UBE2U: variants seen among roughly 807,000 people sequenced by gnomAD.
UBE2U encodes the protein ubiquitin-conjugating enzyme E2 U.
A neutral mutation model predicts 41.2 loss-of-function variants in UBE2U; 39 were observed. The observed-to-expected ratio is 0.95, with a 90% confidence interval of 0.73 to 1.24. UBE2U has a LOEUF of 1.24. Among genes scored for constraint, UBE2U ranks in the 50% most tolerant of loss-of-function variants. UBE2U has a pLI of 0.00. For missense variants in UBE2U, 336 were observed against 363.1 expected (o/e 0.93, Z 0.61); for synonymous variants, 107 against 117.8 (o/e 0.91, Z 0.60).
intron 7 of UBE2U, among the ~76,000 whole-genome samples, chr1:64,236,210 C>A (rs142562552): frequency 6.6e-6 from 1 of 152,252 alleles, no homozygotes; most frequent in East Asian, 1.9e-4. Flanking sequence ...ATAGTGAGTT[C>A]TCAATAAGTG....
Position 64,206,792 on chromosome 1 carries a change from T to C in UBE2U, c.177T>C (p.Phe59=), listed in dbSNP as rs1651323766. The C allele has an allele frequency of 6.2e-7, 1 of 1,603,320 alleles. No individual in the cohort carries two copies. Among genetic ancestry groups the C allele is most frequent in the Non-Finnish European group, 8.5e-7 (1 of 1,173,084 alleles). The change falls in exon 3 of 10, where the codon TTT becomes TTC. Residue 59 remains phenylalanine, a synonymous_variant. Transcript: ENST00000371077. The stretch of plus-strand genomic sequence containing the variant: ...TAGTCTTCCAACTGACAATACATTT[T>C]ACATCGGAGTACAACTATGCTCCTC... The part of the protein sequence containing the change: ...QGLVFQLTIH[F]TSEYNYAPPV...
At chr1:64,214,714 C>A in intron 4 of UBE2U, 101 bp from the exon 5 acceptor site, 1 of 803,414 alleles carries the variant, frequency 1.2e-6, no homozygotes, top group Non-Finnish European at 2.1e-6. Flanking sequence ...ACATAGTAAG[C>A]ATTTAATACA....
At chr1:64,204,425 A>G (rs2100227222) in intron 1 of UBE2U, among the ~76,000 whole-genome samples, 1 of 152,320 alleles carries the variant, frequency 6.6e-6, no homozygotes, top group Non-Finnish European at 1.5e-5. Flanking sequence ...CTCATTAATT[A>G]TAATACTATA....
At chr1:64,206,021 A>G (rs1651275700) in intron 2 of UBE2U, among the ~76,000 whole-genome samples, 2 of 152,186 alleles carry the variant, frequency 1.3e-5, no homozygotes, top group Admixed American at 6.6e-5. Flanking sequence ...TTGAGAGAAT[A>G]TCGTCTGCCT....
rs75628164 is a variant in UBE2U at position 64,258,172 on chromosome 1, T to C, written c.678-2431T>C. Among the ~76,000 whole-genome samples the C allele has an allele frequency of 6.7e-3, 1,025 of 152,326 alleles. 14 individuals carry two copies. The highest frequency in any genetic ancestry group is 0.024 in the African/African-American group (999 of 41,582). ...TATTTATTCATTTTTGTCTCTTCCA[T>C]GAAGTCAGAGACCTTGTCTGTCTTG... On this transcript the variant is annotated intron_variant, in intron 8 of 9. Transcript: ENST00000371077.
chr1:64,221,840 A>T (rs1652491459), intron 6 of UBE2U, among the ~76,000 whole-genome samples: 1 of 152,188 alleles, frequency 6.6e-6, no homozygotes, highest in South Asian at 2.1e-4. Context: ...TAATCCCAGC[A>T]CTTTGGGAGG....
intron 8 of UBE2U, among the ~76,000 whole-genome samples, chr1:64,243,593 A>G (rs1461302394): frequency 6.6e-6 from 1 of 152,238 alleles, no homozygotes; most frequent in Non-Finnish European, 1.5e-5. Context: ...TCAAAAAAAC[A>G]GGAAATGTAA....
At chr1:64,205,830 T>C in intron 2 of UBE2U, 110 bp downstream of exon 2, 1 of 743,296 alleles carries the variant, frequency 1.3e-6, no homozygotes, top group Non-Finnish European at 2.1e-6. Context: ...CCTGAAATTC[T>C]TCTTCATATG....
rs568426300 is a variant in UBE2U at position 64,242,928 on chromosome 1, A to G, written c.677+1195A>G. On this transcript the variant is annotated intron_variant, in intron 8 of 9. Coordinates refer to ENST00000371077, the MANE Select transcript of UBE2U (RefSeq NM_001366232.2). ...GTGACTTCCTTTTTTATTTCCTTTA[A>G]CAGAACTGTTTTATTTGTTTGATCA... Among the ~76,000 whole-genome samples the G allele has an allele frequency of 1.2e-3, 176 of 152,232 alleles. 3 individuals are homozygous for G. The highest frequency in any genetic ancestry group is 9.8e-4 in the Admixed American group (15 of 15,272).
chr1:64,210,919 C>A, intron 4 of UBE2U, 80 bp downstream of exon 4: 3 of 946,098 alleles, frequency 3.2e-6, no homozygotes, highest in Non-Finnish European at 4.5e-6. Flanking sequence ...TTAAAATATA[C>A]AATGCATATT....
chr1:64,204,234 T>G (rs1044775191), intron 1 of UBE2U, 118 bp downstream of exon 1: 2 of 756,558 alleles, frequency 2.6e-6, no homozygotes, highest in Non-Finnish European at 2.1e-6. Flanking sequence ...CACTACAGTA[T>G]TGTTATTTAA....
Position 64,206,836 on chromosome 1 carries a change from C to A in UBE2U, c.221C>A (p.Thr74Lys). The A allele has an allele frequency of 6.2e-7, 1 of 1,600,430 alleles. No individual in the cohort carries two copies. The highest frequency in any genetic ancestry group is 8.6e-7 in the Non-Finnish European group (1 of 1,169,566). ...GCTCCTCCAGTTGTGAAATTTATAA[C>A]AATTCCGTTTCATCCAAATGGTAAG... ...NYAPPVVKFI[T>K]IPFHPNVDPH... Residue 74 changes from threonine (T) to lysine (K), a missense_variant, in exon 3 of 10, where the codon ACA becomes AAA. Physicochemically the swap from Thr to Lys is moderately conservative, Grantham distance 78. Coordinates refer to ENST00000371077, the MANE Select transcript of UBE2U (RefSeq NM_001366232.2).
intron 7 of UBE2U, among the ~76,000 whole-genome samples, chr1:64,240,259 C>T (rs825187): frequency 0.43 from 64,943 of 151,976 alleles, 14,350 homozygotes; most frequent in Middle Eastern, 0.54. Flanking sequence ...GGGACACTAA[C>T]TTTAATAGGA....
chr1:64,233,856 A>G (rs1433754975), intron 7 of UBE2U, among the ~76,000 whole-genome samples: 1 of 152,232 alleles, frequency 6.6e-6, no homozygotes, highest in African/African-American at 2.4e-5. Flanking sequence ...ATTCTGCAGT[A>G]GCAGAGACTT....
chr1:64,261,847 T>G (rs1236622869), intron 9 of UBE2U, among the ~76,000 whole-genome samples: 2 of 152,234 alleles, frequency 1.3e-5, no homozygotes, highest in Non-Finnish European at 2.9e-5. Context: ...TGTCTATGCT[T>G]TGTCAGACTG....
At chr1:64,254,009 C>T (rs1265568748) in intron 8 of UBE2U, among the ~76,000 whole-genome samples, 4 of 152,018 alleles carry the variant, frequency 2.6e-5, no homozygotes, top group Non-Finnish European at 4.4e-5. Context: ...ATGCTGTCTT[C>T]GAGAGACCCA....
Position 64,220,906 on chromosome 1 carries a change from A to C in UBE2U, c.505A>C (p.Arg169=). 6.2e-7 allele frequency: 1 copy of C among 1,601,538 alleles called. No homozygotes were observed. The highest frequency in any genetic ancestry group is 1.3e-5 in the African/African-American group (1 of 74,344). ...ACCTAAAGACCCACGTAAATGTATC[A>C]GGTAAGTTTTTCTTTATACAATTTA... is the stretch of plus-strand genomic sequence containing the variant. ...ELPKDPRKCI[R]PIKTTSFSDY... Residue 169 remains arginine (R), a splice_region_variant and synonymous_variant, in exon 6 of 10, where the codon AGA becomes CGA. Coordinates refer to ENST00000371077, the MANE Select transcript of UBE2U (RefSeq NM_001366232.2).
chr1:64,235,827 T>G (rs191720979), intron 7 of UBE2U, among the ~76,000 whole-genome samples: 120 of 152,310 alleles, frequency 7.9e-4, no homozygotes, highest in African/African-American at 2.7e-3. Flanking sequence ...CATCTCAATC[T>G]ATCATTCTTT....
At chr1:64,250,394 C>T (rs1318069795) in intron 8 of UBE2U, among the ~76,000 whole-genome samples, 1 of 152,050 alleles carries the variant, frequency 6.6e-6, no homozygotes, top group Non-Finnish European at 1.5e-5. Context: ...GAGAATTTTC[C>T]CACACATTTA....
Sources: allele counts gnomAD v4.1 joint callset (sites outside exome capture counted in the v4.1 genomes callset), GRCh38; gene constraint gnomAD v4.1.1; transcripts MANE v1.5; gene names NCBI Gene and HGNC (gene_info 2026-07-23, HGNC 2026-07-21).